Variants in TRABD2B observed in about 807,000 individuals in gnomAD.
TRABD2B encodes the protein TraB domain containing 2B, also known as metalloprotease TIKI2.
TRABD2B carries 14 observed loss-of-function variants against 40.1 expected under a neutral mutation model. The observed-to-expected ratio is 0.35, with a 90% confidence interval of 0.23 to 0.55. TRABD2B has a LOEUF of 0.55. Among genes scored for constraint, TRABD2B ranks in the 20% least tolerant of loss-of-function variants. The pLI, the probability that TRABD2B is intolerant of heterozygous loss-of-function variation, is 0.90. For synonymous variants in TRABD2B, 263 were observed against 277.0 expected, an observed-to-expected ratio of 0.95 and a Z score of 0.50; for missense variants, 541 against 648.6, an observed-to-expected ratio of 0.83 and a Z score of 1.80.
intron 2 of TRABD2B, among the ~76,000 whole-genome samples, chr1:47,825,089 G>A (rs952062669): frequency 1.3e-5 from 2 of 152,212 alleles, no homozygotes; most frequent in Non-Finnish European, 2.9e-5. Flanking sequence ...GCTGTGGGAG[G>A]AGCAGGGACT....
rs1034250216 is a variant in TRABD2B, at chr1:47,794,535, G to A, written c.988+51C>T. 14 of 1,469,342 alleles carry A rather than the reference G, an allele frequency of 9.5e-6. No individual in the cohort carries two copies. The South Asian group carries it at 1.2e-4, about 13-fold the overall frequency. 91.0% of individuals were successfully genotyped at this position (1,469,342 alleles called of 1,614,324 possible). A position where few individuals can be genotyped will look rare whatever the true frequency, so the allele number is the denominator to read the frequency against. ...GAAGTAGAGGTTAGGGGAGAGCCAA[G>A]CAAATCTCCCAGGATTCTGCAAACA... On this transcript the variant is annotated intron_variant, in intron 4 of 6. Coordinates refer to ENST00000606738, the MANE Select transcript of TRABD2B (RefSeq NM_001194986.2).
chr1:47,942,340 G>A (rs1391278841), intron 2 of TRABD2B, among the ~76,000 whole-genome samples: 1 of 152,026 alleles, frequency 6.6e-6, no homozygotes, highest in Non-Finnish European at 1.5e-5. Flanking sequence ...CTTAAGAGCA[G>A]AGCAGGGCCA....
intron 2 of TRABD2B, among the ~76,000 whole-genome samples, chr1:47,930,164 T>A (rs961912232): frequency 6.6e-6 from 1 of 152,118 alleles, no homozygotes; most frequent in East Asian, 1.9e-4. Context: ...TCCTGAGCCA[T>A]GGTGCGCCAA....
intron 2 of TRABD2B, among the ~76,000 whole-genome samples, chr1:47,931,084 C>T (rs1479294090): frequency 6.6e-6 from 1 of 152,162 alleles, no homozygotes; most frequent in Admixed American, 6.5e-5. Flanking sequence ...CTGCTCTATC[C>T]CCAGCACCTA....
chr1:47,774,360 G>A (rs771400603), intron 6 of TRABD2B, among the ~76,000 whole-genome samples: 4 of 152,166 alleles, frequency 2.6e-5, no homozygotes, highest in Non-Finnish European at 5.9e-5. Flanking sequence ...CAGTGGGTAG[G>A]ATTCTACCCC....
chr1:47,924,400 C>G (rs1459256507), intron 2 of TRABD2B, among the ~76,000 whole-genome samples: 1 of 152,198 alleles, frequency 6.6e-6, no homozygotes, highest in East Asian at 1.9e-4. Flanking sequence ...CAGCCTACAC[C>G]TGATGCTCAG....
chr1:47,850,379 TG>T (rs1348458292), intron 2 of TRABD2B, among the ~76,000 whole-genome samples: 1 of 152,200 alleles, frequency 6.6e-6, no homozygotes, highest in Non-Finnish European at 1.5e-5. Flanking sequence ...TGTCAGAAAC[TG>T]AGGAAAGGCC....
rs1313284885 is a variant in TRABD2B, at chr1:47,775,875, C to T, written c.1080-436G>A. On this transcript the variant is annotated intron_variant, in intron 5 of 6. Coordinates refer to ENST00000606738, the MANE Select transcript of TRABD2B (RefSeq NM_001194986.2). Reference sequence around the variant, plus strand: ...CTACTCAGGGAAGGTGGTCTGGTCACCAGCAGGTGACATTTGAGCCCAGGC... The same window carrying T: ...CTACTCAGGGAAGGTGGTCTGGTCATCAGCAGGTGACATTTGAGCCCAGGC... Among the ~76,000 whole-genome samples, 5 of 152,034 alleles carry T rather than the reference C, an allele frequency of 3.3e-5. No homozygotes were observed. The East Asian group carries it at 9.7e-4, about 29-fold the overall frequency.
intron 2 of TRABD2B, among the ~76,000 whole-genome samples, chr1:47,961,111 A>C (rs1389676287): frequency 1.3e-5 from 2 of 152,248 alleles, no homozygotes; most frequent in Non-Finnish European, 2.9e-5. Flanking sequence ...AGAAATGGGG[A>C]AAGGATTCCC....
chr1:47,863,395 A>ATATATATATATATATATATATATATAT (rs1553159688), intron 2 of TRABD2B, among the ~76,000 whole-genome samples: 1 of 32,020 alleles, frequency 3.1e-5, no homozygotes, highest in African/African-American at 1.1e-4. Flanking sequence ...TATATATATA[A>ATATATATATATATATATATATATATAT]TCTCTTAAAA....
At chr1:47,782,680 A>C (rs1036875305) in intron 4 of TRABD2B, among the ~76,000 whole-genome samples, 2 of 152,162 alleles carry the variant, frequency 1.3e-5, no homozygotes, top group Non-Finnish European at 2.9e-5. Context: ...AGATTCTACC[A>C]ATCCCAGGAA....
chr1:47,942,636 GCAA>G (rs535014052), intron 2 of TRABD2B, among the ~76,000 whole-genome samples: 79 of 152,244 alleles, frequency 5.2e-4, no homozygotes, highest in African/African-American at 1.7e-3. Context: ...GATGACTACT[GCAA>G]CAACAATAAT....
At position 47,766,221 on chromosome 1, in the gene TRABD2B, G is replaced by A. The variant is rs1334841042; in HGVS notation, c.1350-115C>T. On this transcript the variant is annotated intron_variant, in intron 6 of 6. Transcript: ENST00000606738. The stretch of plus-strand genomic sequence containing the variant: ...TATTTTGCCTAATACAATGGAGAAG[G>A]GAACAAGGAGCTTGAGCAGGCAAAC... 3 of 633,476 alleles carry A rather than the reference G, an allele frequency of 4.7e-6. No homozygotes were observed. The African/African-American group carries it at 5.4e-5, about 11-fold the overall frequency. The allele number at this position is 633,476 out of a possible 1,614,324, so 39.2% of individuals were successfully genotyped here. A position where few individuals can be genotyped will look rare whatever the true frequency, so the allele number is the denominator to read the frequency against.
chr1:47,901,386 G>A (rs537599146), intron 2 of TRABD2B, among the ~76,000 whole-genome samples: 1 of 152,202 alleles, frequency 6.6e-6, no homozygotes, highest in East Asian at 1.9e-4. Context: ...CCCTTCCTAG[G>A]GAAGTCTGCT....
At chr1:47,988,500 G>A (rs530067799) in intron 2 of TRABD2B, among the ~76,000 whole-genome samples, 2 of 152,340 alleles carry the variant, frequency 1.3e-5, no homozygotes, top group Admixed American at 6.5e-5. Context: ...AAGGAGAGCA[G>A]CTGAGGCTGG....
intron 3 of TRABD2B, among the ~76,000 whole-genome samples, chr1:47,798,968 T>A (rs1253249992): frequency 6.6e-6 from 1 of 152,202 alleles, no homozygotes; most frequent in Admixed American, 6.5e-5. Flanking sequence ...TATCTGTGCA[T>A]CCTTGGGGCA....
chr1:47,967,336 AACACAC>A (rs56776440), intron 2 of TRABD2B, among the ~76,000 whole-genome samples: 7,657 of 147,232 alleles, frequency 0.052, 295 homozygotes, highest in South Asian at 0.14. Context: ...TAAGCAAGAA[AACACAC>A]ACACACACAC....
At chr1:47,942,024 G>C (rs1006577505) in intron 2 of TRABD2B, among the ~76,000 whole-genome samples, 1 of 152,190 alleles carries the variant, frequency 6.6e-6, no homozygotes, top group South Asian at 2.1e-4. Flanking sequence ...TGCAACACAG[G>C]AGTTCAGTAA....
chr1:47,851,426 C>T (rs1223571674), intron 2 of TRABD2B, among the ~76,000 whole-genome samples: 1 of 152,120 alleles, frequency 6.6e-6, no homozygotes, highest in East Asian at 1.9e-4. Context: ...GTATGTGAAC[C>T]TGCGGGGTGG....
Sources: gnomAD v4.1 joint callset for allele counts (sites outside exome capture counted in the v4.1 genomes callset) on GRCh38, gnomAD v4.1.1 for gene constraint, MANE v1.5 for transcripts, NCBI Gene and HGNC (gene_info 2026-07-23, HGNC 2026-07-21) for gene names.